Variants in LMF1 observed in about 807,000 individuals in gnomAD.
LMF1 encodes transmembrane protein 112.
A neutral mutation model predicts 60.6 loss-of-function variants in LMF1; 68 were observed. The observed-to-expected ratio is 1.12, with a 90% CI of 0.92 to 1.37. The LOEUF is 1.37. LMF1 is among the 40% of genes most tolerant of loss of function. The pLI, the probability that LMF1 is intolerant of heterozygous loss-of-function variation, is 0.00. For synonymous variants in LMF1, 418 were observed against 324.7 expected (o/e 1.29, Z -3.09); for missense variants, 948 against 767.2 (o/e 1.24, Z -2.78).
intron 5 of LMF1, among the ~76,000 whole-genome samples, chr16:890,189 C>CA (rs2070440450): frequency 6.6e-6 from 1 of 152,228 alleles, no homozygotes; most frequent in Non-Finnish European, 1.5e-5. Flanking sequence ...CAGTGAACCG[C>CA]AAAGAGCCGT....
Position 869,969 on chromosome 16 carries a change from T to C in LMF1, c.1330A>G (p.Lys444Glu). 1 of 1,613,344 alleles carries C rather than the reference T, an allele frequency of 6.2e-7. No homozygotes were observed. The highest frequency in any genetic ancestry group is 1.1e-5 in the South Asian group (1 of 91,086). The change falls in exon 9 of 11, where the codon AAG becomes GAG. Residue 444 changes from lysine (K) to glutamate (E), a missense_variant. Lys to Glu is a moderately conservative substitution (Grantham distance 56). Coordinates refer to ENST00000262301, the MANE Select transcript of LMF1 (RefSeq NM_022773.4). Reference sequence around the variant, plus strand: ...GGCCGTCTGCTGGGGTCACCTGGCTTGCACTTGAACTCGTAGTCCTCCCAC... The same window carrying C: ...GGCCGTCTGCTGGGGTCACCTGGCTCGCACTTGAACTCGTAGTCCTCCCAC... ...AMWEDYEFKC[K>E]PGDPSRRPCL...
At chr16:923,110 T>G (rs967905703) in intron 3 of LMF1, among the ~76,000 whole-genome samples, 5 of 146,944 alleles carry the variant, frequency 3.4e-5, no homozygotes, top group Admixed American at 1.4e-4. Context: ...GAAAGTCGCC[T>G]GGGTTTTCGG....
At chr16:976,289 G>A (rs889761900) in intron 1 of LMF1, 8 of 450,994 alleles carry the variant, frequency 1.8e-5, no homozygotes, top group East Asian at 7.0e-5. Flanking sequence ...TGAGGGCCCA[G>A]AACGAGGCTG....
intron 1 of LMF1, among the ~76,000 whole-genome samples, chr16:965,053 A>G (rs1386508415): frequency 2.6e-5 from 4 of 152,218 alleles, no homozygotes; most frequent in Non-Finnish European, 5.9e-5. Flanking sequence ...CAGGACTCCA[A>G]TGTGACAATG....
At chr16:979,369 C>T (rs1467461032) in intron 1 of LMF1, 2 of 354,174 alleles carry the variant, frequency 5.6e-6, no homozygotes, top group African/African-American at 2.1e-5. Context: ...GCTGACTGGC[C>T]TAGGCCCCCA....
At chr16:921,345 C>CT (rs2071425330) in intron 3 of LMF1, among the ~76,000 whole-genome samples, 1 of 152,212 alleles carries the variant, frequency 6.6e-6, no homozygotes, top group African/African-American at 2.4e-5. Flanking sequence ...TGAGGGGCTG[C>CT]TGGGTCCAAG....
intron 6 of LMF1, among the ~76,000 whole-genome samples, chr16:876,399 G>A (rs1567166802): frequency 2.0e-5 from 3 of 152,288 alleles, no homozygotes; most frequent in South Asian, 4.1e-4. Flanking sequence ...ACGTGTCGTC[G>A]TCCGTTTGTC....
rs912895160 is a variant in LMF1 at position 869,263 on chromosome 16, G to T, written c.1417-207C>A. On this transcript the variant is annotated intron_variant, in intron 9 of 10. Coordinates refer to ENST00000262301, the MANE Select transcript of LMF1 (RefSeq NM_022773.4). ...CTGACCACTCATTCCCATGTCGGCC[G>T]CTGGCTTCGCTCCCCTGGCTGGGTG... 2.1e-5 allele frequency: 14 copies of T among 666,432 alleles called. No individual in the cohort carries two copies. In the East Asian group the frequency reaches 3.8e-4, roughly 18 times the overall value. 41.3% of individuals were successfully genotyped at this position (666,432 alleles called of 1,614,324 possible). A position where few individuals can be genotyped will look rare whatever the true frequency, so the allele number is the denominator to read the frequency against.
Position 854,574 on chromosome 16 carries a change from G to C in LMF1, c.1662C>G (p.Pro554=), listed in dbSNP as rs913911840. The C allele has an allele frequency of 3.1e-6, 5 of 1,608,186 alleles. No individual in the cohort carries two copies. In the Admixed American group the frequency reaches 5.0e-5, roughly 16 times the overall value. ...GAGGCCACCCACGGTCCCTGAAGTA[G>C]GGCCTCAGCTCCTCCAGGCTGAGCG... ...FPPLSLEELR[P]YFRDRGWPLP... is the part of the protein sequence containing the mutation. The change falls in exon 11 of 11, where the codon CCC becomes CCG. Residue 554 remains proline (P), a synonymous_variant. Coordinates refer to ENST00000262301, the MANE Select transcript of LMF1 (RefSeq NM_022773.4).
intron 1 of LMF1, among the ~76,000 whole-genome samples, chr16:966,268 G>A (rs945330519): frequency 1.3e-5 from 2 of 152,196 alleles, no homozygotes; most frequent in Non-Finnish European, 2.9e-5. Context: ...CAGTGCAGGT[G>A]GACATCTGCC....
intron 6 of LMF1, among the ~76,000 whole-genome samples, chr16:876,055 C>T (rs1487305420): frequency 6.6e-6 from 1 of 152,254 alleles, no homozygotes; most frequent in Non-Finnish European, 1.5e-5. Context: ...TGGCCCCACG[C>T]CTGTGCTCAG....
At chr16:914,633 C>A in intron 3 of LMF1, among the ~76,000 whole-genome samples, 1 of 152,136 alleles carries the variant, frequency 6.6e-6, no homozygotes, top group Non-Finnish European at 1.5e-5. Flanking sequence ...CCATTGGTGA[C>A]ACACTCCCTC....
At chr16:910,731 C>A (rs1171758462) in intron 4 of LMF1, among the ~76,000 whole-genome samples, 200 bp downstream of exon 4, 1 of 152,070 alleles carries the variant, frequency 6.6e-6, no homozygotes, top group African/African-American at 2.4e-5. Context: ...ATGAGCATGC[C>A]CGGGAAAAGC....
chr16:917,091 C>T (rs1359476217), intron 3 of LMF1, among the ~76,000 whole-genome samples: 1 of 152,218 alleles, frequency 6.6e-6, no homozygotes, highest in African/African-American at 2.4e-5. Context: ...GCTAAAGTCA[C>T]GTGTATGGGG....
chr16:926,506 G>A (rs1170489337), intron 3 of LMF1, among the ~76,000 whole-genome samples: 19 of 148,730 alleles, frequency 1.3e-4, no homozygotes, highest in South Asian at 2.5e-4. Context: ...GTGTTTGCAC[G>A]TCTGTGTTTG....
At chr16:930,054 A>T (rs905052448) in intron 3 of LMF1, among the ~76,000 whole-genome samples, 31 of 149,096 alleles carry the variant, frequency 2.1e-4, no homozygotes, top group Non-Finnish European at 4.4e-5. Flanking sequence ...CCTGGGACAG[A>T]GCCCAGGACA....
intron 3 of LMF1, chr16:931,582 A>G (rs2071785593): frequency 7.9e-7 from 1 of 1,258,416 alleles, no homozygotes; most frequent in Admixed American, 2.3e-5. Flanking sequence ...CAGATCAGGA[A>G]GCCTGACCTT....
At chr16:883,341 C>T (rs1227005724) in intron 5 of LMF1, among the ~76,000 whole-genome samples, 1 of 152,134 alleles carries the variant, frequency 6.6e-6, no homozygotes, top group Non-Finnish European at 1.5e-5. Flanking sequence ...CCCAGCGAAG[C>T]CCATCACAGG....
rs1048629562 is a variant in LMF1, at chr16:897,604, A to T, written c.664-4532T>A. Among the ~76,000 whole-genome samples, 2 of 152,218 alleles carry T rather than the reference A, an allele frequency of 1.3e-5. No individual in the cohort carries two copies. The highest frequency in any genetic ancestry group is 4.8e-5 in the African/African-American group (2 of 41,448). On this transcript the variant is annotated intron_variant, in intron 4 of 10. Transcript: ENST00000262301. This position sits in a 1 kb window ranked among gnomAD's most constrained non-coding sequence, Gnocchi z 4.3. The stretch of plus-strand genomic sequence containing the variant: ...GTCACAGCCCAGTGCCCCTGTGAGC[A>T]GCTGCAGGGGTCTCAGACTTGTTGC...
Sources: gnomAD v4.1 joint callset for allele counts (sites outside exome capture counted in the v4.1 genomes callset) on GRCh38, gnomAD v4.1.1 for gene constraint, Gnocchi (gnomAD v3.1) non-coding constraint, MANE v1.5 for transcripts, NCBI Gene and HGNC (gene_info 2026-07-23, HGNC 2026-07-21) for gene names.